Variants in PIWIL1 observed in about 807,000 individuals in gnomAD.
The protein encoded by PIWIL1 is piwi-like protein 1.
PIWIL1 carries 73 observed loss-of-function variants against 114.4 expected under a neutral mutation model. The ratio of observed to expected loss-of-function variants is 0.64; its 90% confidence interval spans 0.53 to 0.78. The LOEUF is 0.78. Among genes scored for constraint, PIWIL1 ranks in the 30% least tolerant of loss-of-function variants. The pLI is 0.00. For missense variants in PIWIL1, 723 were observed against 1,063.1 expected, an observed-to-expected ratio of 0.68 and a Z score of 4.45; for synonymous variants, 375 against 369.0, an observed-to-expected ratio of 1.02 and a Z score of -0.19.
At chr12:130,358,243 A>G (rs931439541) in intron 14 of PIWIL1, among the ~76,000 whole-genome samples, 2 of 152,136 alleles carry the variant, frequency 1.3e-5, no homozygotes, top group Non-Finnish European at 2.9e-5. Context: ...GGAATTGGAG[A>G]CAGGGACGTT....
At chr12:130,358,046 T>C (rs562668437) in intron 14 of PIWIL1, among the ~76,000 whole-genome samples, 10 of 152,214 alleles carry the variant, frequency 6.6e-5, no homozygotes, top group Non-Finnish European at 1.3e-4. Flanking sequence ...GGGATAGGGA[T>C]GCAACCACTC....
At chr12:130,349,471 TG>T (rs2073155859) in intron 8 of PIWIL1, 35 bp downstream of exon 8, 1 of 1,426,418 alleles carries the variant, frequency 7.0e-7, no homozygotes, top group Non-Finnish European at 9.8e-7. Flanking sequence ...AATAATTTTT[TG>T]TGAGTCAAAG....
the PIWIL1 span, among the ~76,000 whole-genome samples, chr12:130,404,489 G>A: frequency 2.8e-3 from 425 of 152,178 alleles, 3 homozygotes; most frequent in African/African-American, 9.7e-3. Flanking sequence ...CAGTAGAAAC[G>A]GGGTTTCACC....
chr12:130,385,618 C>T, the PIWIL1 span, among the ~76,000 whole-genome samples: 1 of 152,202 alleles, frequency 6.6e-6, no homozygotes, highest in Non-Finnish European at 1.5e-5. Flanking sequence ...TCATGTTCCA[C>T]ACCTCAGGGC....
chr12:130,387,933 G>C, the PIWIL1 span, among the ~76,000 whole-genome samples: 1 of 152,050 alleles, frequency 6.6e-6, no homozygotes, highest in Non-Finnish European at 1.5e-5. Flanking sequence ...TAAAACTTTT[G>C]CTCTAACCCA....
At chr12:130,370,737 A>G (rs573089851) in intron 19 of PIWIL1, among the ~76,000 whole-genome samples, 1 of 152,332 alleles carries the variant, frequency 6.6e-6, no homozygotes, top group South Asian at 2.1e-4. Flanking sequence ...AAGAGGGGAA[A>G]AGATTCCGTG....
intron 12 of PIWIL1, 64 bp from the exon 13 acceptor site, chr12:130,356,854 A>G: frequency 8.9e-7 from 1 of 1,122,638 alleles, no homozygotes; most frequent in Non-Finnish European, 1.3e-6. Context: ...ATTATTGAAG[A>G]CTGTTTGGCT....
At chr12:130,398,491 G>A in the PIWIL1 span, 3 of 152,678 alleles carry the variant, frequency 2.0e-5, no homozygotes, top group Non-Finnish European at 4.4e-5. Flanking sequence ...GTGATCATTT[G>A]AGCTGCGTGC....
At chr12:130,349,491 C>T in intron 8 of PIWIL1, 55 bp downstream of exon 8, 2 of 1,145,656 alleles carry the variant, frequency 1.7e-6, no homozygotes, top group South Asian at 2.7e-5. Flanking sequence ...AGTATTGTGG[C>T]TTTCTAGTTC....
chr12:130,351,040 T>C (rs1464923595), intron 9 of PIWIL1: 1 of 152,220 alleles, frequency 6.6e-6, no homozygotes, highest in Admixed American at 6.5e-5. Flanking sequence ...TCAGCCTCTT[T>C]ACTCCTTGAG....
At chr12:130,363,344 G>C (rs946964796) in intron 18 of PIWIL1, among the ~76,000 whole-genome samples, 200 bp downstream of exon 18, 1 of 151,924 alleles carries the variant, frequency 6.6e-6, no homozygotes, top group East Asian at 1.9e-4. Flanking sequence ...TAGTATAGAG[G>C]GTCATTCCTT....
At chr12:130,425,811 G>GAGCC in the PIWIL1 span, 1 of 152,330 alleles carries the variant, frequency 6.6e-6, no homozygotes, top group African/African-American at 2.4e-5. Context: ...CAGTAGAGAT[G>GAGCC]AGCCACATGG....
chr12:130,409,107 T>G, the PIWIL1 span, among the ~76,000 whole-genome samples: 1 of 152,188 alleles, frequency 6.6e-6, no homozygotes, highest in African/African-American at 2.4e-5. Context: ...ATACATGTAC[T>G]TCTCACTGAA....
At chr12:130,424,710 C>G in the PIWIL1 span, 1 of 1,232,272 alleles carries the variant, frequency 8.1e-7, no homozygotes, top group Non-Finnish European at 1.0e-6. This position sits in a 1 kb window ranked among gnomAD's most constrained non-coding sequence, Gnocchi z 9.8. Flanking sequence ...GGGGGACGGC[C>G]CTGCACCCTG....
At chr12:130,403,091 C>T in the PIWIL1 span, among the ~76,000 whole-genome samples, 1 of 152,142 alleles carries the variant, frequency 6.6e-6, no homozygotes, top group African/African-American at 2.4e-5. Context: ...GGTGATATTA[C>T]AATATTAGGA....
At chr12:130,357,426 A>C (rs1459320783) in intron 13 of PIWIL1, 55 bp from the exon 14 acceptor site, 7 of 1,300,952 alleles carry the variant, frequency 5.4e-6, no homozygotes, top group African/African-American at 2.9e-5. Context: ...GTGTTTATGC[A>C]CGGTCCATTT....
chr12:130,394,300 C>T, the PIWIL1 span, among the ~76,000 whole-genome samples: 396 of 152,304 alleles, frequency 2.6e-3, no homozygotes, highest in Non-Finnish European at 3.6e-3. Context: ...GAAGGGGCTG[C>T]GCCAGCTGGC....
the PIWIL1 span, chr12:130,424,078 C>A: frequency 1.1e-6 from 1 of 889,632 alleles, no homozygotes; most frequent in South Asian, 5.7e-5. The surrounding 1 kb of genome is among the most constrained non-coding windows in gnomAD (Gnocchi z 9.8). Flanking sequence ...AACAGAAAAC[C>A]AGTGAAAGGA....
At chr12:130,424,453 C>A in the PIWIL1 span, 1 of 1,232,194 alleles carries the variant, frequency 8.1e-7, no homozygotes, top group Non-Finnish European at 1.0e-6. The surrounding 1 kb of genome is among the most constrained non-coding windows in gnomAD (Gnocchi z 9.8). Flanking sequence ...GGGCTGCACG[C>A]GGCCACGGTG....
Sources: allele counts gnomAD v4.1 joint callset (sites outside exome capture counted in the v4.1 genomes callset), GRCh38; gene constraint gnomAD v4.1.1; non-coding constraint Gnocchi (gnomAD v3.1); transcripts MANE v1.5; gene names NCBI Gene and HGNC (gene_info 2026-07-23, HGNC 2026-07-21).